Variants in SUN2 observed in about 807,000 individuals in gnomAD.
SUN2 encodes the protein Sad1 and UNC84 domain containing 2.
A neutral mutation model predicts 100.0 loss-of-function variants in SUN2; 60 were observed. The ratio of observed to expected loss-of-function variants is 0.60; its 90% CI spans 0.49 to 0.74. The LOEUF (loss-of-function observed/expected upper bound fraction) is 0.74, where lower values mean the gene tolerates loss of function less well. Ranked by LOEUF, SUN2 falls within the 30% of genes least tolerant of loss-of-function variation. The pLI is 0.00. For missense variants in SUN2, 834 were observed against 954.6 expected, an observed-to-expected ratio of 0.87 and a Z score of 1.66; for synonymous variants, 367 against 403.3, an observed-to-expected ratio of 0.91 and a Z score of 1.08.
intron 2 of SUN2, 105 bp from the exon 3 acceptor site, chr22:38,751,478 G>C (rs2092945627): frequency 7.6e-7 from 1 of 1,309,636 alleles, no homozygotes; most frequent in African/African-American, 1.5e-5. Flanking sequence ...CAGGGTGTGG[G>C]TTCCCTTGTT....
Position 38,736,303 on chromosome 22 carries a change from G to C in SUN2, c.2118C>G (p.Ile706Met), listed in dbSNP as rs779606940. Reference protein sequence around the residue: ...TNWGHPEYTCIYRFRVHGEPA... With the variant: ...TNWGHPEYTCMYRFRVHGEPA... ...GCTCCCCATGCACTCTGAAGCGGTAGATGCAGGTGTACTCGGGGTGGCCCC... is the reference window on the plus strand; with the variant it reads ...GCTCCCCATGCACTCTGAAGCGGTACATGCAGGTGTACTCGGGGTGGCCCC... Residue 706 changes from isoleucine (I) to methionine (M), a missense_variant, in exon 18 of 18, where the codon ATC (isoleucine) becomes ATG (methionine). Physicochemically the swap from Ile to Met is conservative, Grantham distance 10 (BLOSUM62 1). Transcript: ENST00000689035. 1.9e-6 allele frequency: 3 copies of C among 1,614,044 alleles called. No homozygotes were observed. In the South Asian group the frequency reaches 3.3e-5, roughly 18 times the overall value.
chr22:38,739,593 G>T lies in SUN2; in HGVS notation c.1578+129C>A. The T allele has an allele frequency of 7.6e-7, 1 of 1,312,580 alleles. No individual in the cohort carries two copies. The highest frequency in any genetic ancestry group is 1.1e-6 in the Non-Finnish European group (1 of 936,862). The allele number at this position is 1,312,580 out of a possible 1,614,324, so 81.3% of individuals were successfully genotyped here. ...GCCACCCACCCATGCCAGCCCCACA[G>T]CATGCAAAGCCTCCTGCTTGGCACT... On this transcript the variant is annotated intron_variant, in intron 13 of 17. Coordinates refer to ENST00000689035, the MANE Select transcript of SUN2 (RefSeq NM_015374.3). This position sits in a 1 kb window ranked among gnomAD's most constrained non-coding sequence, Gnocchi z 6.7.
chr22:38,739,255 C>G lies in SUN2; in HGVS notation c.1663+87G>C. 2 of 1,434,796 alleles carry G rather than the reference C, an allele frequency of 1.4e-6. No homozygotes were observed. The highest frequency in any genetic ancestry group is 2.0e-6 in the Non-Finnish European group (2 of 1,018,548). The allele number at this position is 1,434,796 out of a possible 1,614,324, so 88.9% of individuals were successfully genotyped here. A position where few individuals can be genotyped will look rare whatever the true frequency, so the allele number is the denominator to read the frequency against. On this transcript the variant is annotated intron_variant, in intron 14 of 17. Transcript: ENST00000689035. This position sits in a 1 kb window ranked among gnomAD's most constrained non-coding sequence, Gnocchi z 6.7. The stretch of plus-strand genomic sequence containing the variant: ...CTGCTGATCCTGAGCTTTGCTTGCT[C>G]TGCCCCACCACCAACCTGGTAGATG...
Position 38,738,816 on chromosome 22 carries a change from T to G in SUN2, c.1779+57A>C. 3.8e-6 allele frequency: 6 copies of G among 1,599,808 alleles called. No homozygotes were observed. Among genetic ancestry groups the G allele is most frequent in the Middle Eastern group, 3.3e-4 (2 of 6,006 alleles). ...GAGTCCAGCTCTTGCTGACCCCAGA[T>G]GGGACCAGCCCTCAGTGTGCTCAGA... On this transcript the variant is annotated intron_variant, in intron 15 of 17. Coordinates refer to ENST00000689035, the MANE Select transcript of SUN2 (RefSeq NM_015374.3). This position sits in a 1 kb window ranked among gnomAD's most constrained non-coding sequence, Gnocchi z 6.6.
intron 17 of SUN2, 186 bp from the exon 18 acceptor site, chr22:38,736,566 T>G (rs1328778816): frequency 4.1e-6 from 2 of 487,430 alleles, no homozygotes; most frequent in Non-Finnish European, 7.3e-6. Flanking sequence ...TTCCAGCCAG[T>G]GGGTTAAGGG....
In SUN2 at chr22:38,734,926, A is replaced by C; in HGVS notation, c.*1341T>G. 1 of 273,772 alleles carries C rather than the reference A, an allele frequency of 3.7e-6. No homozygotes were observed. Among genetic ancestry groups the C allele is most frequent in the South Asian group, 3.3e-5 (1 of 30,346 alleles). The allele number at this position is 273,772 out of a possible 1,614,324, so 17.0% of individuals were successfully genotyped here. On this transcript the variant is annotated 3_prime_UTR_variant, in exon 18 of 18. Coordinates refer to ENST00000689035, the MANE Select transcript of SUN2 (RefSeq NM_015374.3). ...GAGCGGATTTGAGGCTCAGTGCTGC[A>C]GTGAAGGCCTGCCCGCCTTCTTGCC...
At position 38,737,759 on chromosome 22, in the gene SUN2, A is replaced by G. The variant is rs1358667694; in HGVS notation, c.2040+414T>C. 5 of 376,576 alleles carry G rather than the reference A, an allele frequency of 1.3e-5. No homozygotes were observed. Among genetic ancestry groups the G allele is most frequent in the Non-Finnish European group, 2.1e-5 (4 of 190,554 alleles). The allele number at this position is 376,576 out of a possible 1,614,324, so 23.3% of individuals were successfully genotyped here. A position where few individuals can be genotyped will look rare whatever the true frequency, so the allele number is the denominator to read the frequency against. On this transcript the variant is annotated intron_variant, in intron 17 of 17. Transcript: ENST00000689035. The surrounding 1 kb of genome is among the most constrained non-coding windows in gnomAD (Gnocchi z 4.1). ...GTGGAGACTGGGAATCTGCATTTCT[A>G]ACTGACTTAGGAGATCGGATGCCCA...
In SUN2 at chr22:38,749,740, A is replaced by G. The variant is rs1403838888; in HGVS notation, c.614+26T>C. The stretch of plus-strand genomic sequence containing the variant: ...CCTTCACCCCAGGGCCTTGCGATTT[A>G]TTGGCAAGGGTGGAGTCTCGCTCAC... On this transcript the variant is annotated intron_variant, in intron 6 of 17. Transcript: ENST00000689035. 3.1e-6 allele frequency: 5 copies of G among 1,610,448 alleles called. No homozygotes were observed. The Admixed American group carries it at 8.3e-5, about 27-fold the overall frequency.
Position 38,748,762 on chromosome 22 carries a change from C to T in SUN2, c.636G>A (p.Thr212=), listed in dbSNP as rs200221237. 2.2e-5 allele frequency: 36 copies of T among 1,614,232 alleles called. No homozygotes were observed. Among genetic ancestry groups the T allele is most frequent in the South Asian group, 9.9e-5 (9 of 91,090 alleles). Residue 212 remains threonine (T), a synonymous_variant, in exon 7 of 18, where the codon ACG becomes ACA. Transcript: ENST00000689035. ...VLTRRFSSLK[T]FLWFLLPLLL... is the part of the protein sequence containing the mutation. ...GCAGCGGCAGCAGGAACCAGAGGAA[C>T]GTCTTCAGGGACGAGAAGCGCCTGG... is the stretch of plus-strand genomic sequence containing the variant.
chr22:38,739,218 G>C lies in SUN2; in HGVS notation c.1663+124C>G, dbSNP rs1343876514. ...CACTTGCCTTTGTCATGGGTACTAG[G>C]TTGGGTGATTTCTGCTGATCCTGAG... is the stretch of plus-strand genomic sequence containing the variant. On this transcript the variant is annotated intron_variant, in intron 14 of 17. Coordinates refer to ENST00000689035, the MANE Select transcript of SUN2 (RefSeq NM_015374.3). The surrounding 1 kb of genome is among the most constrained non-coding windows in gnomAD (Gnocchi z 6.7). 8.7e-7 allele frequency: 1 copy of C among 1,148,652 alleles called. No homozygotes were observed. The highest frequency in any genetic ancestry group is 2.4e-5 in the East Asian group (1 of 41,496). 71.2% of individuals were successfully genotyped at this position (1,148,652 alleles called of 1,614,324 possible). A position where few individuals can be genotyped will look rare whatever the true frequency, so the allele number is the denominator to read the frequency against.
rs531771410 is a variant in SUN2, at chr22:38,750,802, C to G, written c.424+96G>C. 193 of 1,548,794 alleles carry G rather than the reference C, an allele frequency of 1.2e-4. No individual in the cohort carries two copies. The African/African-American group carries it at 2.4e-3, about 19-fold the overall frequency. The stretch of plus-strand genomic sequence containing the variant: ...GGAGGGGCGCTGTGCCTGCCACATG[C>G]TGCCCTCTCTCCAGCTCCCCGGGGC... On this transcript the variant is annotated intron_variant, in intron 4 of 17. Transcript: ENST00000689035.
At position 38,741,487 on chromosome 22, in the gene SUN2, C is replaced by T. The variant is rs369532029; in HGVS notation, c.1146+7G>A. 1.1e-4 allele frequency: 182 copies of T among 1,613,724 alleles called. No homozygotes were observed. The African/African-American group carries it at 1.3e-3, about 11-fold the overall frequency. ...TCACAGGCCCTGAGTGCCGCAAGCC[C>T]GCTGACCTGGGAGGCCCGGACGATC... On this transcript the variant is annotated splice_region_variant and intron_variant, in intron 10 of 17. Transcript: ENST00000689035.
intron 1 of SUN2, chr22:38,754,514 C>T: frequency 1.3e-6 from 1 of 749,762 alleles, no homozygotes; most frequent in Middle Eastern, 5.2e-4. Context: ...CTACTTTTAG[C>T]TGGTGTTGGA....
rs2092981650 is a variant in SUN2 at position 38,755,875 on chromosome 22, C to T, written c.-150G>A. The T allele has an allele frequency of 1.0e-6, 1 of 982,152 alleles. No homozygotes were observed. The highest frequency in any genetic ancestry group is 1.8e-5 in the African/African-American group (1 of 56,856). 60.8% of individuals were successfully genotyped at this position (982,152 alleles called of 1,614,324 possible). ...GCGGGCGGCGCTCCGCTCAGGGCGACACAGCGGCCGGGCCCGGGGCGCGCG... is the reference window on the plus strand; with the variant it reads ...GCGGGCGGCGCTCCGCTCAGGGCGATACAGCGGCCGGGCCCGGGGCGCGCG... On this transcript the variant is annotated 5_prime_UTR_variant, in exon 1 of 18. Coordinates refer to ENST00000689035, the MANE Select transcript of SUN2 (RefSeq NM_015374.3). The surrounding 1 kb of genome is among the most constrained non-coding windows in gnomAD (Gnocchi z 5.7).
chr22:38,736,968 C>T (rs912214531), intron 17 of SUN2, among the ~76,000 whole-genome samples: 4 of 152,176 alleles, frequency 2.6e-5, no homozygotes, highest in Non-Finnish European at 5.9e-5. Context: ...CTTAGCCTCC[C>T]CAGTAGCTGG....
At chr22:38,745,209 G>C in intron 8 of SUN2, 1 of 470,694 alleles carries the variant, frequency 2.1e-6, no homozygotes. Flanking sequence ...ATGGAGTACA[G>C]CTGTCCTAGG....
In SUN2 at chr22:38,751,036, CT is replaced by C; in HGVS notation, c.287-2del. 6.2e-7 allele frequency: 1 copy of C among 1,612,816 alleles called. No homozygotes were observed. Among genetic ancestry groups the C allele is most frequent in the Non-Finnish European group, 8.5e-7 (1 of 1,179,474 alleles). On this transcript the variant is annotated splice_acceptor_variant, in intron 3 of 17. Coordinates refer to ENST00000689035, the MANE Select transcript of SUN2 (RefSeq NM_015374.3). LOFTEE classifies it high-confidence loss of function. ...CTCCTCCGCACCCGCAGGTCCTCAC[CT>C]GTGCAGGGAAGAACCAGGGGCTCTT...
At position 38,751,356 on chromosome 22, in the gene SUN2, G is replaced by C. The variant is rs773122894; in HGVS notation, c.140C>G (p.Ser47Cys). 2 of 1,613,826 alleles carry C rather than the reference G, an allele frequency of 1.2e-6. No individual in the cohort carries two copies. Among genetic ancestry groups the C allele is most frequent in the East Asian group, 4.5e-5 (2 of 44,890 alleles). Residue 47 changes from serine to cysteine, a missense_variant, in exon 3 of 18, where the codon TCC (serine) becomes TGC (cysteine). Physicochemically the swap from Ser to Cys is moderately radical, Grantham distance 112 (BLOSUM62 -1). Around this residue, in one of 3 missense-constraint regions of SUN2, gnomAD observed 559 missense variants for 597.7 expected, o/e 0.94. Transcript: ENST00000689035. Reference protein sequence around the residue: ...DSPLRTLKRKSSNMKRLSPAP... With the variant: ...DSPLRTLKRKCSNMKRLSPAP... ...TGGGGACAGGCGCTTCATGTTGCTGGATTTCCTCTTCAAGGTCCTGTGGGA... is the reference window on the plus strand; with the variant it reads ...TGGGGACAGGCGCTTCATGTTGCTGCATTTCCTCTTCAAGGTCCTGTGGGA...
chr22:38,738,818 G>T lies in SUN2; in HGVS notation c.1779+55C>A. The T allele has an allele frequency of 1.3e-6, 2 of 1,597,604 alleles. No homozygotes were observed. The highest frequency in any genetic ancestry group is 1.7e-6 in the Non-Finnish European group (2 of 1,169,276). ...GTCCAGCTCTTGCTGACCCCAGATGGGACCAGCCCTCAGTGTGCTCAGAGC... is the reference window on the plus strand; with the variant it reads ...GTCCAGCTCTTGCTGACCCCAGATGTGACCAGCCCTCAGTGTGCTCAGAGC... On this transcript the variant is annotated intron_variant, in intron 15 of 17. Coordinates refer to ENST00000689035, the MANE Select transcript of SUN2 (RefSeq NM_015374.3). This position sits in a 1 kb window ranked among gnomAD's most constrained non-coding sequence, Gnocchi z 6.6.
Sources: gnomAD v4.1 joint callset for allele counts (sites outside exome capture counted in the v4.1 genomes callset) on GRCh38, gnomAD v4.1.1 for gene constraint, gnomAD v4.1.1 regional missense constraint, Gnocchi (gnomAD v3.1) non-coding constraint, MANE v1.5 for transcripts, NCBI Gene and HGNC (gene_info 2026-07-23, HGNC 2026-07-21) for gene names.